LCOR: variants seen among roughly 807,000 people sequenced by gnomAD.
The protein encoded by LCOR is ligand dependent nuclear receptor corepressor.
A neutral mutation model predicts 64.4 loss-of-function variants in LCOR; 14 were observed. The ratio of observed to expected loss-of-function variants is 0.22; its 90% CI spans 0.14 to 0.34. LCOR has a LOEUF of 0.34. LCOR is among the 10% of genes least tolerant of loss of function. The probability of loss-of-function intolerance (pLI) is 1.00; values close to 1 mark genes in which losing one functional copy is unlikely to be tolerated. For missense variants in LCOR, 1,686 were observed against 1,765.3 expected (o/e 0.96, Z 0.80); for synonymous variants, 643 against 642.5 (o/e 1.00, Z -0.01).
chr10:96,982,591 C>T lies in LCOR; in HGVS notation c.2131C>T (p.Pro711Ser). 3 of 1,614,050 alleles carry T rather than the reference C, an allele frequency of 1.9e-6. No homozygotes were observed. Among genetic ancestry groups the T allele is most frequent in the South Asian group, 1.1e-5 (1 of 91,066 alleles). ...TCAGTGCTCAGAAAATCAGAGTTCC[C>T]CAATGGGCTTGGAGCCCCCCATGAG... The part of the protein sequence containing the change: ...SPQCSENQSS[P>S]MGLEPPMSLG... The change falls in exon 8 of 8, where the codon CCA (proline) becomes TCA (serine). Residue 711 changes from proline to serine, a missense_variant. Around this residue, in one of 3 missense-constraint regions of LCOR, gnomAD observed 1,293 missense variants for 1,410.4 expected, o/e 0.92. Coordinates refer to ENST00000421806, the MANE Select transcript of LCOR (RefSeq NM_001346516.2).
intron 2 of LCOR, among the ~76,000 whole-genome samples, chr10:96,906,498 A>G (rs979599794): frequency 1.3e-5 from 2 of 152,204 alleles, no homozygotes; most frequent in Admixed American, 6.5e-5. Flanking sequence ...AAATTGCAAG[A>G]TGGCAAAGAT....
chr10:96,846,757 A>C (rs930656338), intron 2 of LCOR, among the ~76,000 whole-genome samples: 3 of 152,190 alleles, frequency 2.0e-5, no homozygotes, highest in African/African-American at 7.2e-5. Flanking sequence ...ACCCCCATAC[A>C]TCTACTGAAA....
chr10:96,847,313 G>C (rs1026519521), intron 2 of LCOR, among the ~76,000 whole-genome samples: 1 of 145,228 alleles, frequency 6.9e-6, no homozygotes, highest in Non-Finnish European at 1.5e-5. Context: ...GTTACCAGAA[G>C]CTATAATAGA....
intron 7 of LCOR, among the ~76,000 whole-genome samples, chr10:96,971,644 T>C (rs1011990389): frequency 6.6e-6 from 1 of 152,318 alleles, no homozygotes; most frequent in Middle Eastern, 3.4e-3. Flanking sequence ...AGGGGTTTCA[T>C]GCAGGAAAGT....
chr10:96,965,518 C>T (rs1214850935), intron 7 of LCOR, among the ~76,000 whole-genome samples: 15 of 150,400 alleles, frequency 1.0e-4, no homozygotes, highest in Admixed American at 9.2e-4. Flanking sequence ...AAAAATTAGC[C>T]GGGCGTGGTG....
chr10:96,838,637 C>G (rs1391889678), intron 2 of LCOR, among the ~76,000 whole-genome samples: 1 of 152,308 alleles, frequency 6.6e-6, no homozygotes, highest in East Asian at 1.9e-4. Context: ...AAGATTCATT[C>G]ATGTTGTAGC....
At chr10:96,958,906 T>TA (rs74784568) in intron 7 of LCOR, 4,297 of 103,792 alleles carry the variant, frequency 0.041, 87 homozygotes, top group Admixed American at 0.052. Context: ...AAGAAAAACT[T>TA]AAAAAAAAAA....
intron 2 of LCOR, among the ~76,000 whole-genome samples, chr10:96,849,616 A>G (rs532946461): frequency 6.6e-6 from 1 of 152,264 alleles, no homozygotes; most frequent in East Asian, 1.9e-4. Context: ...ACTCGACCTT[A>G]TGTGATGGGT....
intron 2 of LCOR, 33 bp downstream of exon 2, chr10:96,833,512 C>A: frequency 1.1e-6 from 1 of 907,528 alleles, no homozygotes; most frequent in Non-Finnish European, 1.3e-6. Flanking sequence ...CCGCTCCGCC[C>A]GCCGCCCCCT....
chr10:96,862,277 C>A (rs1173752034), intron 2 of LCOR, among the ~76,000 whole-genome samples: 2 of 151,106 alleles, frequency 1.3e-5, no homozygotes, highest in African/African-American at 4.9e-5. Context: ...ATTTTTTTTT[C>A]TTTTCTTTGT....
intron 7 of LCOR, among the ~76,000 whole-genome samples, chr10:96,974,701 A>G (rs1398379560): frequency 2.0e-5 from 3 of 152,206 alleles, no homozygotes; most frequent in Non-Finnish European, 2.9e-5. Context: ...TTACAAATCT[A>G]AGGTCTCGGA....
At chr10:96,957,038 A>G (rs897770329) in intron 7 of LCOR, 2 of 985,248 alleles carry the variant, frequency 2.0e-6, no homozygotes, top group African/African-American at 1.7e-5. Context: ...AGAGAAAAAA[A>G]CCCCAAGGTA....
intron 2 of LCOR, among the ~76,000 whole-genome samples, chr10:96,897,631 ACTC>A (rs1846561869): frequency 6.6e-6 from 1 of 152,038 alleles, no homozygotes; most frequent in Non-Finnish European, 1.5e-5. Flanking sequence ...TGTTCTAACT[ACTC>A]AGTATATCTT....
intron 2 of LCOR, among the ~76,000 whole-genome samples, chr10:96,904,356 G>A (rs928099423): frequency 1.3e-5 from 2 of 152,202 alleles, no homozygotes; most frequent in Non-Finnish European, 2.9e-5. Context: ...GTAGGAATGA[G>A]CAGGAAAGGT....
At chr10:96,874,247 C>T (rs188568335) in intron 2 of LCOR, among the ~76,000 whole-genome samples, 474 of 152,288 alleles carry the variant, frequency 3.1e-3, no homozygotes, top group Non-Finnish European at 5.0e-3. Context: ...ATCACTTCCA[C>T]GTGCGCCATC....
intron 4 of LCOR, among the ~76,000 whole-genome samples, chr10:96,927,813 T>G (rs1297067410): frequency 6.6e-6 from 1 of 152,232 alleles, no homozygotes. Context: ...ACCTGAGAGA[T>G]AATGTGGATT....
intron 4 of LCOR, among the ~76,000 whole-genome samples, chr10:96,933,500 TG>T (rs1847298127): frequency 6.6e-6 from 1 of 152,212 alleles, no homozygotes; most frequent in South Asian, 2.1e-4. Flanking sequence ...GTAGCTTAAA[TG>T]GAATTGGTTT....
intron 7 of LCOR, among the ~76,000 whole-genome samples, chr10:96,952,562 G>A (rs921466854): frequency 1.3e-4 from 16 of 121,446 alleles, no homozygotes; most frequent in Non-Finnish European, 2.3e-4. Flanking sequence ...TCTCTAGTGG[G>A]GTTTGTGTGT....
chr10:96,930,098 G>A (rs910909824), intron 4 of LCOR, among the ~76,000 whole-genome samples: 20 of 152,254 alleles, frequency 1.3e-4, no homozygotes, highest in Admixed American at 1.2e-3. Flanking sequence ...GTGACACCAA[G>A]TGGTGTCACC....
Sources: allele counts gnomAD v4.1 joint callset (sites outside exome capture counted in the v4.1 genomes callset), GRCh38; gene constraint gnomAD v4.1.1; regional missense constraint gnomAD v4.1.1; transcripts MANE v1.5; gene names NCBI Gene and HGNC (gene_info 2026-07-23, HGNC 2026-07-21).